The following GRIK4 variants were observed in gnomAD, a reference collection of about 807,000 sequenced individuals.
GRIK4 encodes the protein glutamate receptor ionotropic, kainate 4.
In GRIK4, 40 loss-of-function variants were observed where a neutral mutation model predicts 104.9. The observed-to-expected ratio is 0.38, with a 90% CI of 0.30 to 0.50. GRIK4 has a LOEUF of 0.50. GRIK4 is among the 20% of genes least tolerant of loss of function. The pLI, the probability that GRIK4 is intolerant of heterozygous loss-of-function variation, is 0.93. For synonymous variants in GRIK4, 485 were observed against 524.9 expected (o/e 0.92, Z 1.04); for missense variants, 1,047 against 1,308.1 (o/e 0.80, Z 3.08).
At chr11:120,651,553 A>G (rs1205642847) in intron 1 of GRIK4, among the ~76,000 whole-genome samples, 2 of 152,196 alleles carry the variant, frequency 1.3e-5, no homozygotes, top group East Asian at 1.9e-4. Context: ...GGTTCCTACC[A>G]TGTACCCACA....
intron 1 of GRIK4, among the ~76,000 whole-genome samples, chr11:120,532,881 G>A (rs1947936879): frequency 6.6e-6 from 1 of 152,148 alleles, no homozygotes; most frequent in Non-Finnish European, 1.5e-5. Context: ...AGACTTAGGG[G>A]ATGAGCCCGG....
intron 8 of GRIK4, among the ~76,000 whole-genome samples, chr11:120,853,460 G>A (rs1954022205): frequency 6.6e-6 from 1 of 152,178 alleles, no homozygotes; most frequent in Admixed American, 6.5e-5. Flanking sequence ...ATTTGAGTTA[G>A]AGATGATGGG....
intron 3 of GRIK4, among the ~76,000 whole-genome samples, chr11:120,785,172 T>G (rs146305074): frequency 1.5e-3 from 232 of 152,310 alleles, no homozygotes; most frequent in Non-Finnish European, 2.4e-3. Context: ...CCACTGTTCC[T>G]TTCCTCCAGC....
chr11:120,846,358 G>A (rs1276085232), intron 8 of GRIK4, among the ~76,000 whole-genome samples: 2 of 152,354 alleles, frequency 1.3e-5, no homozygotes, highest in African/African-American at 4.8e-5. Context: ...ATGTGGTCCA[G>A]CAGGATGTGA....
At chr11:120,912,371 G>A (rs1943019523) in intron 13 of GRIK4, among the ~76,000 whole-genome samples, 1 of 152,194 alleles carries the variant, frequency 6.6e-6, no homozygotes, top group Admixed American at 6.5e-5. Context: ...TGAATGGATG[G>A]GTGGGTGCAA....
At chr11:120,678,945 T>TG (rs1269058789) in intron 3 of GRIK4, among the ~76,000 whole-genome samples, 2 of 151,658 alleles carry the variant, frequency 1.3e-5, no homozygotes, top group African/African-American at 4.9e-5. Flanking sequence ...GTTTTTTTTT[T>TG]TTGTTTGTTT....
intron 3 of GRIK4, among the ~76,000 whole-genome samples, chr11:120,686,183 C>G (rs116679952): frequency 1.6e-3 from 238 of 152,286 alleles, no homozygotes; most frequent in African/African-American, 5.5e-3. Context: ...CATGATACAT[C>G]CATCAATCTG....
chr11:120,926,972 T>C (rs1322530447), intron 13 of GRIK4, among the ~76,000 whole-genome samples: 3 of 152,182 alleles, frequency 2.0e-5, no homozygotes, highest in Non-Finnish European at 4.4e-5. Flanking sequence ...GATGGCATGG[T>C]GCTTGAGCTG....
intron 11 of GRIK4, among the ~76,000 whole-genome samples, chr11:120,893,408 G>C (rs551074269): frequency 1.1e-4 from 16 of 152,320 alleles, no homozygotes; most frequent in Non-Finnish European, 2.1e-4. Flanking sequence ...GAATCTGTAG[G>C]TAGAAGGACT....
At chr11:120,774,450 C>T (rs895009937) in intron 3 of GRIK4, among the ~76,000 whole-genome samples, 1 of 152,096 alleles carries the variant, frequency 6.6e-6, no homozygotes, top group Non-Finnish European at 1.5e-5. Flanking sequence ...GCTGGAGACC[C>T]AAGGAGGATT....
rs1591325161 is a variant in GRIK4, at chr11:120,953,431, G to C, written c.1700+467G>C. Reference sequence around the variant, plus strand: ...TGCAAATCTGGACTGGGGGCACTGGGGGCTGCAGTGGAGCAGGCCAGGGAG... The same window carrying C: ...TGCAAATCTGGACTGGGGGCACTGGCGGCTGCAGTGGAGCAGGCCAGGGAG... On this transcript the variant is annotated intron_variant, in intron 15 of 20. Transcript: ENST00000527524. The surrounding 1 kb of genome is among the most constrained non-coding windows in gnomAD (Gnocchi z 4.9). Among the ~76,000 whole-genome samples the C allele has an allele frequency of 6.6e-6, 1 of 152,340 alleles. No individual in the cohort carries two copies. The highest frequency in any genetic ancestry group is 2.4e-5 in the African/African-American group (1 of 41,576).
At chr11:120,831,203 C>T (rs748525740) in intron 6 of GRIK4, among the ~76,000 whole-genome samples, 2 of 152,176 alleles carry the variant, frequency 1.3e-5, no homozygotes, top group Admixed American at 1.3e-4. Flanking sequence ...GAGTTCAAAG[C>T]GTTTTACTAG....
chr11:120,690,185 G>C (rs1950336244), intron 3 of GRIK4, among the ~76,000 whole-genome samples: 1 of 152,210 alleles, frequency 6.6e-6, no homozygotes, highest in Admixed American at 6.5e-5. Flanking sequence ...AAATGCTGAA[G>C]CATAGCTGCC....
At chr11:120,518,409 A>G (rs886980234) in intron 1 of GRIK4, among the ~76,000 whole-genome samples, 2 of 152,132 alleles carry the variant, frequency 1.3e-5, no homozygotes, top group Non-Finnish European at 2.9e-5. Context: ...GTCTCTAGCA[A>G]GGCTGGTGAA....
chr11:120,771,396 G>T (rs760177685), intron 3 of GRIK4, among the ~76,000 whole-genome samples: 8 of 152,234 alleles, frequency 5.3e-5, no homozygotes, highest in Non-Finnish European at 8.8e-5. Context: ...AATATAGAAG[G>T]TCTAACTTGT....
intron 1 of GRIK4, among the ~76,000 whole-genome samples, chr11:120,633,562 G>A (rs1464416212): frequency 2.6e-5 from 4 of 152,208 alleles, no homozygotes; most frequent in South Asian, 2.1e-4. Flanking sequence ...ATTAGGGACC[G>A]GGGAAGCTTT....
intron 8 of GRIK4, among the ~76,000 whole-genome samples, chr11:120,861,044 C>T (rs1228169173): frequency 6.6e-6 from 1 of 151,554 alleles, no homozygotes; most frequent in Middle Eastern, 3.5e-3. Flanking sequence ...GGCCTCAGCT[C>T]CCCAGATTCG....
chr11:120,948,233 T>C (rs1321797820), intron 14 of GRIK4, among the ~76,000 whole-genome samples: 1 of 152,208 alleles, frequency 6.6e-6, no homozygotes, highest in Admixed American at 6.5e-5. Context: ...TGCTGGGAGT[T>C]GACTATATCA....
rs1944067675 is a variant in GRIK4, at chr11:120,953,833, C to G, written c.1700+869C>G. On this transcript the variant is annotated intron_variant, in intron 15 of 20. Transcript: ENST00000527524. This position sits in a 1 kb window ranked among gnomAD's most constrained non-coding sequence, Gnocchi z 4.9. ...CCTGGTGGCTCCCAGGCCACTCACT[C>G]AGGTCCCTAGTGCTGCTAACCCTCC... Among the ~76,000 whole-genome samples the G allele has an allele frequency of 6.6e-6, 1 of 152,224 alleles. No homozygotes were observed. The highest frequency in any genetic ancestry group is 1.5e-5 in the Non-Finnish European group (1 of 68,036).
Sources: gnomAD v4.1 joint callset for allele counts (sites outside exome capture counted in the v4.1 genomes callset) on GRCh38, gnomAD v4.1.1 for gene constraint, Gnocchi (gnomAD v3.1) non-coding constraint, MANE v1.5 for transcripts, NCBI Gene and HGNC (gene_info 2026-07-23, HGNC 2026-07-21) for gene names.